SMPD3: variants seen among roughly 807,000 people sequenced by gnomAD.
The protein encoded by SMPD3 is sphingomyelin phosphodiesterase 3.
SMPD3 carries 21 observed loss-of-function variants against 55.7 expected under a neutral mutation model. The ratio of observed to expected loss-of-function variants is 0.38; its 90% CI spans 0.27 to 0.54. The LOEUF (loss-of-function observed/expected upper bound fraction) is 0.54. Among genes scored for constraint, SMPD3 ranks in the 20% least tolerant of loss-of-function variants. The pLI, the probability that SMPD3 is intolerant of heterozygous loss-of-function variation, is 0.80. For missense variants in SMPD3, 842 were observed against 899.6 expected, an observed-to-expected ratio of 0.94 and a Z score of 0.82; for synonymous variants, 457 against 404.3, an observed-to-expected ratio of 1.13 and a Z score of -1.56.
At chr16:68,416,656 G>A (rs1041394337) in intron 1 of SMPD3, among the ~76,000 whole-genome samples, 10 of 152,166 alleles carry the variant, frequency 6.6e-5, no homozygotes, top group Non-Finnish European at 4.4e-5. Flanking sequence ...GCTTTGTGGC[G>A]CTTTTATTTC....
chr16:68,394,908 G>A (rs2090142437), intron 1 of SMPD3, among the ~76,000 whole-genome samples: 1 of 152,180 alleles, frequency 6.6e-6, no homozygotes, highest in African/African-American at 2.4e-5. Context: ...ACAGAGATGT[G>A]TTTTATGACT....
At chr16:68,397,184 A>G (rs2090164604) in intron 1 of SMPD3, among the ~76,000 whole-genome samples, 2 of 152,142 alleles carry the variant, frequency 1.3e-5, no homozygotes, top group South Asian at 4.1e-4. Flanking sequence ...TCTCTAATAC[A>G]CAGGAGGCAC....
intron 1 of SMPD3, among the ~76,000 whole-genome samples, chr16:68,428,148 T>C (rs375574234): frequency 6.6e-6 from 1 of 152,156 alleles, no homozygotes; most frequent in Non-Finnish European, 1.5e-5. Flanking sequence ...GAAGTAAACA[T>C]CATGGAGACA....
At chr16:68,436,111 C>T (rs1360398240) in intron 1 of SMPD3, among the ~76,000 whole-genome samples, 5 of 152,208 alleles carry the variant, frequency 3.3e-5, no homozygotes, top group Non-Finnish European at 7.3e-5. Flanking sequence ...CTCTAACCTC[C>T]ATGCTGCTCC....
rs2090478311 is a variant in SMPD3, at chr16:68,431,375, G to GT, written c.-269+16977dup. Among the ~76,000 whole-genome samples the GT allele has an allele frequency of 2.6e-5, 4 of 152,176 alleles. No homozygotes were observed. In the South Asian group the frequency reaches 6.2e-4, roughly 24 times the overall value. Reference sequence around the variant, plus strand: ...AGTAAAGAGTCTAGGGACTTTTTCTGTATTAGCTTCAGTTGCAGTCAGAAT... The same window carrying GT: ...AGTAAAGAGTCTAGGGACTTTTTCTGTTATTAGCTTCAGTTGCAGTCAGAAT... On this transcript the variant is annotated intron_variant, in intron 1 of 8. Transcript: ENST00000219334.
chr16:68,395,695 G>A (rs1451888081), intron 1 of SMPD3, among the ~76,000 whole-genome samples: 2 of 152,136 alleles, frequency 1.3e-5, no homozygotes, highest in East Asian at 3.9e-4. Flanking sequence ...TCATCCCGGT[G>A]CCTAAACTGT....
intron 2 of SMPD3, among the ~76,000 whole-genome samples, 161 bp from the exon 3 acceptor site, chr16:68,372,548 A>C (rs1191083655): frequency 6.6e-6 from 1 of 152,226 alleles, no homozygotes; most frequent in Non-Finnish European, 1.5e-5. Context: ...GGTGGCTGGG[A>C]GACAGCCCCC....
At position 68,358,419 on chromosome 16, in the gene SMPD3, T is replaced by G. The variant is rs1262084538; in HGVS notation, c.*2787A>C. 6.5e-6 allele frequency: 1 copy of G among 152,716 alleles called. No homozygotes were observed. The highest frequency in any genetic ancestry group is 1.5e-5 in the Non-Finnish European group (1 of 68,040). The allele number at this position is 152,716 out of a possible 1,614,324, so 9.5% of individuals were successfully genotyped here. Reference sequence around the variant, plus strand: ...ACACCTCTCTTCGCAAAATATTTTATCAGGTGTAAAGACTTGTTTTTCTTC... The same window carrying G: ...ACACCTCTCTTCGCAAAATATTTTAGCAGGTGTAAAGACTTGTTTTTCTTC... On this transcript the variant is annotated 3_prime_UTR_variant, in exon 9 of 9. Coordinates refer to ENST00000219334, the MANE Select transcript of SMPD3 (RefSeq NM_018667.4).
intron 1 of SMPD3, among the ~76,000 whole-genome samples, chr16:68,424,797 G>T (rs981349533): frequency 1.3e-5 from 2 of 152,124 alleles, no homozygotes; most frequent in Non-Finnish European, 2.9e-5. Context: ...TGCAACCTCC[G>T]CCTCCTGGGC....
chr16:68,445,643 C>A (rs1029531838), intron 1 of SMPD3, among the ~76,000 whole-genome samples: 1 of 152,224 alleles, frequency 6.6e-6, no homozygotes, highest in Non-Finnish European at 1.5e-5. Flanking sequence ...CTCTTTCCAG[C>A]AGAGGTCGCT....
intron 1 of SMPD3, among the ~76,000 whole-genome samples, chr16:68,408,200 A>G (rs986694937): frequency 6.6e-6 from 1 of 152,216 alleles, no homozygotes; most frequent in Admixed American, 6.5e-5. Flanking sequence ...AAACATTATT[A>G]TTATTAAATA....
intron 2 of SMPD3, among the ~76,000 whole-genome samples, chr16:68,381,524 C>T (rs575249202): frequency 8.5e-5 from 13 of 152,244 alleles, no homozygotes; most frequent in African/African-American, 2.6e-4. Context: ...GGTCCTCTGG[C>T]GGTTGGGTGG....
intron 1 of SMPD3, among the ~76,000 whole-genome samples, chr16:68,412,703 T>C (rs1418127977): frequency 2.6e-5 from 4 of 152,238 alleles, no homozygotes; most frequent in Admixed American, 2.6e-4. Flanking sequence ...GGAATCAGCC[T>C]GGAAAGCCTG....
chr16:68,412,979 A>G (rs922679502), intron 1 of SMPD3, among the ~76,000 whole-genome samples: 1 of 152,242 alleles, frequency 6.6e-6, no homozygotes, highest in African/African-American at 2.4e-5. Flanking sequence ...ACTATTATCT[A>G]TGTCATTTTA....
At chr16:68,362,627 C>T (rs1432422824) in intron 7 of SMPD3, among the ~76,000 whole-genome samples, 2 of 152,226 alleles carry the variant, frequency 1.3e-5, no homozygotes, top group Non-Finnish European at 2.9e-5. Flanking sequence ...AGTGCCTGGA[C>T]GGATGCAAAA....
At chr16:68,423,743 T>A (rs935850050) in intron 1 of SMPD3, among the ~76,000 whole-genome samples, 6 of 152,098 alleles carry the variant, frequency 3.9e-5, no homozygotes, top group African/African-American at 1.2e-4. Flanking sequence ...TAGGACCACC[T>A]CATTTTTTAC....
intron 1 of SMPD3, among the ~76,000 whole-genome samples, chr16:68,440,642 C>T (rs2090558460): frequency 6.6e-6 from 1 of 152,246 alleles, no homozygotes; most frequent in African/African-American, 2.4e-5. Context: ...ATCCTCACTA[C>T]AACCTGCAAC....
chr16:68,374,066 A>G (rs1250612452), intron 2 of SMPD3, among the ~76,000 whole-genome samples: 1 of 152,200 alleles, frequency 6.6e-6, no homozygotes, highest in Admixed American at 6.5e-5. Flanking sequence ...GCTCTGGGAT[A>G]TGGCCACCTG....
rs373736673 is a variant in SMPD3, at chr16:68,358,355, G to T, written c.*2851C>A. The T allele has an allele frequency of 6.5e-6, 1 of 152,808 alleles. No homozygotes were observed. Among genetic ancestry groups the T allele is most frequent in the South Asian group, 2.1e-4 (1 of 4,828 alleles). 9.5% of individuals were successfully genotyped at this position (152,808 alleles called of 1,614,324 possible). ...AGCCTCACAGTTTTATTTTCTCCTCGTTATCCATCCTTCCTTTCAGCACCA... is the reference window on the plus strand; with the variant it reads ...AGCCTCACAGTTTTATTTTCTCCTCTTTATCCATCCTTCCTTTCAGCACCA... On this transcript the variant is annotated 3_prime_UTR_variant, in exon 9 of 9. Coordinates refer to ENST00000219334, the MANE Select transcript of SMPD3 (RefSeq NM_018667.4).
Sources: gnomAD v4.1 joint callset for allele counts (sites outside exome capture counted in the v4.1 genomes callset) on GRCh38, gnomAD v4.1.1 for gene constraint, MANE v1.5 for transcripts, NCBI Gene and HGNC (gene_info 2026-07-23, HGNC 2026-07-21) for gene names.